Variants in DNAJC6 observed in about 807,000 individuals in gnomAD.
DNAJC6 encodes the protein auxilin.
A neutral mutation model predicts 110.0 loss-of-function variants in DNAJC6; 34 were observed. The observed-to-expected ratio is 0.31, with a 90% confidence interval of 0.24 to 0.41. The LOEUF is 0.41. DNAJC6 is among the 10% of genes least tolerant of loss of function. The pLI is 1.00. For synonymous variants in DNAJC6, 406 were observed against 437.2 expected (o/e 0.93, Z 0.89); for missense variants, 1,031 against 1,207.8 (o/e 0.85, Z 2.17).
chr1:65,319,817 C>G (rs1645181675), intron 1 of DNAJC6, among the ~76,000 whole-genome samples: 1 of 151,986 alleles, frequency 6.6e-6, no homozygotes, highest in African/African-American at 2.4e-5. Flanking sequence ...CTTTCCCTCT[C>G]TTCTCTTCTT....
At chr1:65,397,870 G>A (rs942183898) in intron 13 of DNAJC6, among the ~76,000 whole-genome samples, 11 of 152,232 alleles carry the variant, frequency 7.2e-5, no homozygotes, top group Admixed American at 5.2e-4. Context: ...ACAAAACAAG[G>A]AAATAAAAGG....
chr1:65,395,125 T>G (rs1459543924), intron 13 of DNAJC6, 93 bp downstream of exon 13: 13 of 1,337,848 alleles, frequency 9.7e-6, no homozygotes, highest in East Asian at 2.7e-5. Flanking sequence ...GTGGGTGCTT[T>G]TTTGATAAAA....
chr1:65,337,851 C>T (rs1280769941), intron 1 of DNAJC6, among the ~76,000 whole-genome samples: 1 of 152,138 alleles, frequency 6.6e-6, no homozygotes, highest in East Asian at 1.9e-4. Context: ...GATCCAATCT[C>T]TCGAGTATAT....
chr1:65,307,613 A>G (rs1349872890), upstream of DNAJC6, among the ~76,000 whole-genome samples: 1 of 152,176 alleles, frequency 6.6e-6, no homozygotes, highest in Non-Finnish European at 1.5e-5. Flanking sequence ...ATAGTCCAGC[A>G]TTTGTCAGGG....
chr1:65,349,615 TA>T (rs1248499577), intron 1 of DNAJC6, among the ~76,000 whole-genome samples: 1 of 152,154 alleles, frequency 6.6e-6, no homozygotes, highest in African/African-American at 2.4e-5. Flanking sequence ...ATCAGCACTC[TA>T]AAAAAATTCA....
At position 65,415,471 on chromosome 1, in the gene DNAJC6, C is replaced by CA. The variant is rs1378549470; in HGVS notation, c.*2447dup. The CA allele has an allele frequency of 5.3e-5, 8 of 151,822 alleles. No individual in the cohort carries two copies. In the East Asian group the frequency reaches 5.8e-4, roughly 11 times the overall value. 9.4% of individuals were successfully genotyped at this position (151,822 alleles called of 1,614,324 possible). On this transcript the variant is annotated 3_prime_UTR_variant, in exon 19 of 19. Coordinates refer to ENST00000371069, the MANE Select transcript of DNAJC6 (RefSeq NM_001256864.2). ...CCCAACACACACACACACACACACACACACACACACACACATGCACGCACA... is the reference window on the plus strand; with the variant it reads ...CCCAACACACACACACACACACACACAACACACACACACACATGCACGCACA...
At position 65,294,726 on chromosome 1, in the gene DNAJC6, A is replaced by G. The variant is rs560148706; in HGVS notation, c.-131+29794A>G. ...AATAAAGTGTTATTAAAATTAATTC[A>G]CTTGTTTATTTTTTAAATTCACTTG... On this transcript the variant is annotated intron_variant, in intron 1 of 19. Coordinates refer to the DNAJC6 transcript ENST00000263441. Among the ~76,000 whole-genome samples the G allele has an allele frequency of 1.1e-4, 16 of 152,274 alleles. No homozygotes were observed. In the South Asian group the frequency reaches 3.1e-3, roughly 30 times the overall value.
intron 5 of DNAJC6, among the ~76,000 whole-genome samples, chr1:65,381,728 CT>C (rs986120932): frequency 5.3e-5 from 8 of 152,024 alleles, no homozygotes; most frequent in Non-Finnish European, 1.0e-4. Flanking sequence ...GAAAAATATC[CT>C]TTTTTTAAAA....
intron 4 of DNAJC6, among the ~76,000 whole-genome samples, chr1:65,370,691 G>C (rs550962314): frequency 5.3e-5 from 8 of 152,228 alleles, no homozygotes; most frequent in African/African-American, 1.9e-4. Flanking sequence ...CAGCCCAGCT[G>C]GTTGTTTTAG....
At chr1:65,384,447 T>C in intron 6 of DNAJC6, 121 bp downstream of exon 6, 1 of 998,676 alleles carries the variant, frequency 1.0e-6, no homozygotes, top group Non-Finnish European at 1.3e-6. Context: ...TATTAGTCCA[T>C]TTTAATATTG....
At chr1:65,345,338 T>G (rs1322109915) in intron 1 of DNAJC6, among the ~76,000 whole-genome samples, 1 of 152,030 alleles carries the variant, frequency 6.6e-6, no homozygotes. Context: ...AGGCAAATAT[T>G]GTTTATGATT....
At chr1:65,292,107 C>T (rs1400155775) in intron 1 of DNAJC6, among the ~76,000 whole-genome samples, 1 of 152,142 alleles carries the variant, frequency 6.6e-6, no homozygotes, top group African/African-American at 2.4e-5. Flanking sequence ...ACCTCTGCCT[C>T]CCAGGTTCAA....
At chr1:65,397,571 T>C (rs1252961557) in intron 13 of DNAJC6, among the ~76,000 whole-genome samples, 3 of 152,184 alleles carry the variant, frequency 2.0e-5, no homozygotes, top group Admixed American at 2.0e-4. Flanking sequence ...ATGTGGTGCC[T>C]TGCATGTGGT....
intron 4 of DNAJC6, among the ~76,000 whole-genome samples, chr1:65,369,941 C>T (rs564452310): frequency 6.6e-6 from 1 of 152,226 alleles, no homozygotes; most frequent in East Asian, 1.9e-4. Flanking sequence ...TTAGCAGAGG[C>T]TACAACTCAA....
chr1:65,379,215 C>G (rs1645794763), intron 4 of DNAJC6, among the ~76,000 whole-genome samples, 187 bp from the exon 5 acceptor site: 1 of 152,124 alleles, frequency 6.6e-6, no homozygotes, highest in Non-Finnish European at 1.5e-5. Context: ...AATGAGAATT[C>G]TTTAATTTAA....
chr1:65,303,476 T>G (rs1012565955), intron 1 of DNAJC6, among the ~76,000 whole-genome samples: 1 of 152,222 alleles, frequency 6.6e-6, no homozygotes, highest in African/African-American at 2.4e-5. Context: ...TGACTTAAAA[T>G]GGATGGTTTC....
At chr1:65,325,402 G>T (rs1007869637) in intron 1 of DNAJC6, among the ~76,000 whole-genome samples, 11 of 152,128 alleles carry the variant, frequency 7.2e-5, no homozygotes, top group African/African-American at 2.7e-4. Flanking sequence ...TCAAAGCCTG[G>T]CTTTGCCACT....
At chr1:65,279,733 C>G (rs576241) in intron 1 of DNAJC6, 1 of 152,032 alleles carries the variant, frequency 6.6e-6, no homozygotes, top group Admixed American at 6.6e-5. Flanking sequence ...CAGTTCTGCT[C>G]CTCTTTCCAG....
At chr1:65,316,728 C>G (rs114397800) in intron 1 of DNAJC6, among the ~76,000 whole-genome samples, 1 of 152,000 alleles carries the variant, frequency 6.6e-6, no homozygotes, top group Admixed American at 6.6e-5. Context: ...AACTGTTGGT[C>G]GAAAGCTAGA....
Sources: gnomAD v4.1 joint callset for allele counts (sites outside exome capture counted in the v4.1 genomes callset) on GRCh38, gnomAD v4.1.1 for gene constraint, MANE v1.5 for transcripts, NCBI Gene and HGNC (gene_info 2026-07-23, HGNC 2026-07-21) for gene names.